ZNF469: variants seen among roughly 807,000 people sequenced by gnomAD.
The protein encoded by ZNF469 is zinc finger protein 469.
A neutral mutation model predicts 1.0 loss-of-function variants in ZNF469; 1 was observed. The ratio of observed to expected loss-of-function variants is 1.00; its 90% confidence interval spans 0.35 to 4.73. ZNF469 has a LOEUF of 4.73. Ranked by LOEUF, ZNF469 falls within the 30% of genes most tolerant of loss-of-function variation. The pLI is 0.16. For missense variants in ZNF469, 6,100 were observed against 5,356.3 expected (o/e 1.14, Z -4.33); for synonymous variants, 2,703 against 2,363.4 (o/e 1.14, Z -4.17).
rs1030290418 is a variant in ZNF469 at position 88,424,154 on chromosome 16, A to G, written c.-191-653A>G. On this transcript the variant is annotated intron_variant, in intron 1 of 2. Transcript: ENST00000565624. The surrounding 1 kb of genome is among the most constrained non-coding windows in gnomAD (Gnocchi z 4.3). ...AAGGGCCGAATGCAGGCAGCAGCCC[A>G]GTGTCCATCCAGACAGGTCTGGGTG... Among the ~76,000 whole-genome samples the G allele has an allele frequency of 6.6e-6, 1 of 152,250 alleles. No homozygotes were observed. The highest frequency in any genetic ancestry group is 1.5e-5 in the Non-Finnish European group (1 of 68,046).
intron 1 of ZNF469, among the ~76,000 whole-genome samples, chr16:88,400,038 G>A (rs1363206900): frequency 6.6e-6 from 1 of 152,238 alleles, no homozygotes; most frequent in African/African-American, 2.4e-5. Flanking sequence ...TAGGGTGAGT[G>A]AGGGCCGGCT....
At chr16:88,402,221 A>G (rs1301770927) in intron 1 of ZNF469, among the ~76,000 whole-genome samples, 3 of 151,240 alleles carry the variant, frequency 2.0e-5, no homozygotes. Flanking sequence ...TGGGTGGCAG[A>G]TGCTGGATGG....
chr16:88,130,341 T>C, the ZNF469 span, among the ~76,000 whole-genome samples: 3 of 152,030 alleles, frequency 2.0e-5, no homozygotes, highest in East Asian at 3.9e-4. Flanking sequence ...AAACGTGATA[T>C]CGGCGTCCCT....
chr16:88,211,760 T>C, the ZNF469 span, among the ~76,000 whole-genome samples: 1 of 152,198 alleles, frequency 6.6e-6, no homozygotes, highest in Admixed American at 6.5e-5. Context: ...CCACAAATTC[T>C]GTCCTTTGCT....
chr16:88,411,912 C>A (rs2142283900), intron 1 of ZNF469, among the ~76,000 whole-genome samples: 1 of 4,616 alleles, frequency 2.2e-4, no homozygotes, highest in South Asian at 9.1e-3. Flanking sequence ...CACCAGCCTG[C>A]CCTGCCTTCC....
the ZNF469 span, among the ~76,000 whole-genome samples, chr16:88,223,763 C>G: frequency 6.6e-6 from 1 of 152,236 alleles, no homozygotes; most frequent in Admixed American, 6.5e-5. Flanking sequence ...CCCGCTGTGT[C>G]CTTCCACAGC....
the ZNF469 span, among the ~76,000 whole-genome samples, chr16:88,377,422 G>A: frequency 6.6e-6 from 1 of 152,168 alleles, no homozygotes; most frequent in Non-Finnish European, 1.5e-5. Context: ...GGCCTGCAGT[G>A]GGGGTGTGTG....
At chr16:88,348,865 G>A in the ZNF469 span, among the ~76,000 whole-genome samples, 19 of 152,138 alleles carry the variant, frequency 1.2e-4, no homozygotes, top group Non-Finnish European at 1.0e-4. Flanking sequence ...ACAGGCACTC[G>A]GCATCACGCG....
At chr16:88,361,221 G>T in the ZNF469 span, among the ~76,000 whole-genome samples, 1 of 152,178 alleles carries the variant, frequency 6.6e-6, no homozygotes, top group Admixed American at 6.5e-5. Flanking sequence ...CTGACAGGAA[G>T]TGGAGCTCAG....
chr16:88,305,425 C>G, the ZNF469 span, among the ~76,000 whole-genome samples: 14 of 151,524 alleles, frequency 9.2e-5, no homozygotes, highest in African/African-American at 2.9e-4. Flanking sequence ...CACATGCACG[C>G]CCTCACACAC....
the ZNF469 span, among the ~76,000 whole-genome samples, chr16:88,188,310 G>A: frequency 1.3e-5 from 2 of 151,998 alleles, no homozygotes; most frequent in Admixed American, 1.3e-4. Context: ...ATCTCACTTG[G>A]GTAGCATCTA....
chr16:88,230,735 CT>C, the ZNF469 span, among the ~76,000 whole-genome samples: 1 of 152,078 alleles, frequency 6.6e-6, no homozygotes, highest in Non-Finnish European at 1.5e-5. Context: ...GGGACCCCCC[CT>C]AGAGGAGTGG....
the ZNF469 span, among the ~76,000 whole-genome samples, chr16:88,320,532 C>T: frequency 3.3e-5 from 5 of 152,134 alleles, no homozygotes; most frequent in African/African-American, 1.2e-4. Context: ...TACAGGCGCC[C>T]ACCACCATAT....
chr16:88,248,532 C>CA, the ZNF469 span, among the ~76,000 whole-genome samples: 1 of 151,804 alleles, frequency 6.6e-6, no homozygotes, highest in Non-Finnish European at 1.5e-5. Context: ...ACCCCTGTCT[C>CA]AAAAAAACAA....
chr16:88,385,007 C>A (rs1013865968), intron 1 of ZNF469, among the ~76,000 whole-genome samples: 1 of 152,194 alleles, frequency 6.6e-6, no homozygotes, highest in Non-Finnish European at 1.5e-5. Context: ...TCAGCTGTTA[C>A]ACATGGCTGC....
At chr16:88,162,285 C>T in the ZNF469 span, among the ~76,000 whole-genome samples, 2 of 148,574 alleles carry the variant, frequency 1.3e-5, no homozygotes, top group East Asian at 2.0e-4. Context: ...TTAATTTATC[C>T]ATCACAAAAT....
At chr16:88,219,869 T>C in the ZNF469 span, among the ~76,000 whole-genome samples, 1 of 152,104 alleles carries the variant, frequency 6.6e-6, no homozygotes, top group Non-Finnish European at 1.5e-5. Context: ...TGGCCCTCCG[T>C]GGGTACAGCT....
In ZNF469 at chr16:88,430,422, C is replaced by A; in HGVS notation, c.2952C>A (p.Asp984Glu). ...RASGLRPRRN[D>E]GLGERPPPRP... ...CCGGCCTGAGGCCCCGGAGGAACGA[C>A]GGTCTCGGGGAGCGGCCCCCACCCC... The change falls in exon 3 of 3, where the codon GAC becomes GAA. Residue 984 changes from aspartate (D) to glutamate (E), a missense_variant. Physicochemically the swap from Asp to Glu is conservative, Grantham distance 45 (BLOSUM62 2). Coordinates refer to ENST00000565624, the MANE Select transcript of ZNF469 (RefSeq NM_001367624.2). The A allele has an allele frequency of 6.6e-7, 1 of 1,519,348 alleles. No homozygotes were observed. The highest frequency in any genetic ancestry group is 1.2e-5 in the South Asian group (1 of 82,690). The allele number at this position is 1,519,348 out of a possible 1,614,324, so 94.1% of individuals were successfully genotyped here.
At chr16:88,372,603 G>A in the ZNF469 span, among the ~76,000 whole-genome samples, 13 of 140,356 alleles carry the variant, frequency 9.3e-5, no homozygotes, top group Non-Finnish European at 1.7e-4. Flanking sequence ...CATTACCACC[G>A]TCATCATGAT....
Sources: gnomAD v4.1 joint callset for allele counts (sites outside exome capture counted in the v4.1 genomes callset) on GRCh38, gnomAD v4.1.1 for gene constraint, Gnocchi (gnomAD v3.1) non-coding constraint, MANE v1.5 for transcripts, NCBI Gene and HGNC (gene_info 2026-07-23, HGNC 2026-07-21) for gene names.